Variants in TENM4 observed in about 807,000 individuals in gnomAD.
TENM4 encodes the protein teneurin-4.
Under a neutral mutation model 243.3 loss-of-function variants are expected in TENM4, and 82 were observed. That is an observed-to-expected ratio of 0.34 (90% CI 0.28 to 0.40). The LOEUF is 0.40. Ranked by LOEUF, TENM4 falls within the 10% of genes least tolerant of loss-of-function variation. The pLI is 1.00. For missense variants in TENM4, 3,138 were observed against 3,673.3 expected, an observed-to-expected ratio of 0.85 and a Z score of 3.77; for synonymous variants, 1,412 against 1,456.3, an observed-to-expected ratio of 0.97 and a Z score of 0.69.
chr11:79,300,676 G>A (rs1432818184), intron 1 of TENM4, among the ~76,000 whole-genome samples: 2 of 152,084 alleles, frequency 1.3e-5, no homozygotes, highest in Non-Finnish European at 2.9e-5. Context: ...ATTTTAATCT[G>A]CCTCTCTTGA....
At chr11:78,921,200 G>C (rs1856440229) in intron 6 of TENM4, among the ~76,000 whole-genome samples, 1 of 152,230 alleles carries the variant, frequency 6.6e-6, no homozygotes, top group African/African-American at 2.4e-5. Context: ...GTCCTGTGAA[G>C]GCTGGCATTT....
At chr11:79,139,811 TATTTTATATTTATATATAATACATAG>T (rs1252003343) in intron 4 of TENM4, among the ~76,000 whole-genome samples, 21 of 97,650 alleles carry the variant, frequency 2.2e-4, no homozygotes, top group African/African-American at 8.1e-4. Context: ...ATATAATATA[TATTTTATATTTATATATAATACATAG>T]ATTATGTAAT....
At chr11:78,672,891 G>T (rs1858369388) in intron 30 of TENM4, among the ~76,000 whole-genome samples, 1 of 151,946 alleles carries the variant, frequency 6.6e-6, no homozygotes, top group Non-Finnish European at 1.5e-5. Flanking sequence ...GCCTTCTGGG[G>T]GCTCTGAACT....
At chr11:78,795,114 T>G (rs1338141715) in intron 15 of TENM4, among the ~76,000 whole-genome samples, 1 of 152,194 alleles carries the variant, frequency 6.6e-6, no homozygotes, top group East Asian at 1.9e-4. Flanking sequence ...CTAAATGTGC[T>G]TTGAGTTCTG....
chr11:78,703,878 G>T (rs1228090206), intron 27 of TENM4, among the ~76,000 whole-genome samples: 1 of 151,254 alleles, frequency 6.6e-6, no homozygotes, highest in East Asian at 1.9e-4. Context: ...GTATGACTGG[G>T]TCTCACTCTG....
Position 78,657,228 on chromosome 11 carries a change from A to G in TENM4, c.*830T>C. On this transcript the variant is annotated 3_prime_UTR_variant, in exon 34 of 34. Transcript: ENST00000278550. ...CATGGAGGACCAACCAATCACAGGC[A>G]TCCTGGGTGCTTTCCCTCCCGGGAG... The G allele has an allele frequency of 2.5e-6, 1 of 398,742 alleles. No homozygotes were observed. Among genetic ancestry groups the G allele is most frequent in the Non-Finnish European group, 4.4e-6 (1 of 226,174 alleles). 24.7% of individuals were successfully genotyped at this position (398,742 alleles called of 1,614,324 possible).
intron 2 of TENM4, among the ~76,000 whole-genome samples, chr11:79,289,942 CT>C (rs1276086318): frequency 6.6e-6 from 1 of 151,232 alleles, no homozygotes; most frequent in Admixed American, 6.6e-5. Context: ...AAGTTTCTAC[CT>C]TTTTTCTTTC....
chr11:79,366,273 C>T lies in TENM4; in HGVS notation c.-320-68730G>A, dbSNP rs548329848. On this transcript the variant is annotated intron_variant, in intron 1 of 33. Transcript: ENST00000278550. The stretch of plus-strand genomic sequence containing the variant: ...TTCTCCAAGACTCTTCTCAGGAATG[C>T]CCTCTTTGTGTCACCTTCTTGAGGA... Among the ~76,000 whole-genome samples the T allele has an allele frequency of 7.7e-4, 117 of 152,324 alleles. 3 individuals carry two copies. The South Asian group carries it at 0.024, about 31-fold the overall frequency.
chr11:79,222,572 G>T (rs2135242059), intron 2 of TENM4, among the ~76,000 whole-genome samples: 1 of 152,292 alleles, frequency 6.6e-6, no homozygotes, highest in East Asian at 1.9e-4. Context: ...GATCCTTGAA[G>T]AATTGCCACA....
At chr11:78,662,132 T>A (rs568957712) in intron 32 of TENM4, among the ~76,000 whole-genome samples, 1 of 152,014 alleles carries the variant, frequency 6.6e-6, no homozygotes, top group South Asian at 2.1e-4. Flanking sequence ...TCCCTCTGCT[T>A]CTACCTTTTA....
At chr11:79,362,737 T>C (rs1044581413) in intron 1 of TENM4, among the ~76,000 whole-genome samples, 28 of 152,214 alleles carry the variant, frequency 1.8e-4, no homozygotes, top group African/African-American at 6.5e-4. Context: ...CCTGGGTAAG[T>C]CTCTCAACCT....
At position 79,092,447 on chromosome 11, in the gene TENM4, G is replaced by A. The variant is rs188592695; in HGVS notation, c.-65-22438C>T. Among the ~76,000 whole-genome samples the A allele has an allele frequency of 2.2e-3, 341 of 152,278 alleles. 2 individuals are homozygous for A. Among genetic ancestry groups the A allele is most frequent in the Non-Finnish European group, 3.9e-3 (263 of 68,036 alleles). ...CTAGGCCAAGTTCTCGGGAGACTGC[G>A]TCATTCGCATGGACCCAGCTTTGTC... On this transcript the variant is annotated intron_variant, in intron 4 of 33. Coordinates refer to ENST00000278550, the MANE Select transcript of TENM4 (RefSeq NM_001098816.3).
chr11:78,921,181 G>A lies in TENM4; in HGVS notation c.494-17658C>T, dbSNP rs142906469. On this transcript the variant is annotated intron_variant, in intron 6 of 33. Transcript: ENST00000278550. ...TGTTACAGGGATCCAGAAAAGCTGG[G>A]AAGAGCCAGTCCTGTGAAGGCTGGC... Among the ~76,000 whole-genome samples, 178 of 152,318 alleles carry A rather than the reference G, an allele frequency of 1.2e-3. 4 individuals are homozygous for A. In the East Asian group the frequency reaches 0.033, roughly 28 times the overall value.
chr11:79,377,483 T>C (rs903231147), intron 1 of TENM4, among the ~76,000 whole-genome samples: 4 of 152,218 alleles, frequency 2.6e-5, no homozygotes, highest in African/African-American at 9.6e-5. Context: ...CTTCTCTCTC[T>C]GGCCTTTTTT....
chr11:78,762,339 A>T (rs7118610), intron 18 of TENM4, among the ~76,000 whole-genome samples: 13,054 of 152,262 alleles, frequency 0.086, 1,852 homozygotes, highest in African/African-American at 0.3. Flanking sequence ...GCCCCTCCCT[A>T]CACGCACATT....
In TENM4 at chr11:78,657,902, T is replaced by G. The variant is rs1206190115; in HGVS notation, c.*156A>C. 7.2e-6 allele frequency: 9 copies of G among 1,245,042 alleles called. No homozygotes were observed. The Admixed American group carries it at 1.1e-4, about 15-fold the overall frequency. The allele number at this position is 1,245,042 out of a possible 1,614,324, so 77.1% of individuals were successfully genotyped here. A position where few individuals can be genotyped will look rare whatever the true frequency, so the allele number is the denominator to read the frequency against. ...GCGAAGGCCAAATCTGTGTTTTTCT[T>G]TTCTAAAAAAAAGGATGTTGCATGA... On this transcript the variant is annotated 3_prime_UTR_variant, in exon 34 of 34. Transcript: ENST00000278550.
At chr11:78,813,124 A>G in intron 13 of TENM4, among the ~76,000 whole-genome samples, 1 of 152,186 alleles carries the variant, frequency 6.6e-6, no homozygotes, top group East Asian at 1.9e-4. Flanking sequence ...AGCACTCAGC[A>G]GGTAATCACT....
At chr11:78,662,110 C>T (rs918973470) in intron 32 of TENM4, among the ~76,000 whole-genome samples, 9 of 152,086 alleles carry the variant, frequency 5.9e-5, no homozygotes, top group Admixed American at 2.6e-4. Flanking sequence ...GCCTAGGCTG[C>T]GATCAGAGTC....
At chr11:79,051,425 T>C (rs967278410) in intron 6 of TENM4, among the ~76,000 whole-genome samples, 25 of 152,188 alleles carry the variant, frequency 1.6e-4, no homozygotes, top group African/African-American at 5.8e-4. Context: ...ACCAAGTGTG[T>C]GTTTGCAGGG....
Sources: gnomAD v4.1 joint callset for allele counts (sites outside exome capture counted in the v4.1 genomes callset) on GRCh38, gnomAD v4.1.1 for gene constraint, MANE v1.5 for transcripts, NCBI Gene and HGNC (gene_info 2026-07-23, HGNC 2026-07-21) for gene names.